PDCD4: variants seen among roughly 807,000 people sequenced by gnomAD.
The protein encoded by PDCD4 is programmed cell death 4.
In PDCD4, 56 loss-of-function variants were observed where a neutral mutation model predicts 54.0. The observed-to-expected ratio is 1.04, with a 90% CI of 0.84 to 1.30. The LOEUF (loss-of-function observed/expected upper bound fraction) is 1.30. Ranked by LOEUF, PDCD4 falls within the 50% of genes most tolerant of loss-of-function variation. PDCD4 has a pLI of 0.00. For synonymous variants in PDCD4, 186 were observed against 194.8 expected (o/e 0.95, Z 0.37); for missense variants, 584 against 559.8 (o/e 1.04, Z -0.44).
At chr10:110,888,851 A>G (rs1007597503) in intron 6 of PDCD4, among the ~76,000 whole-genome samples, 1 of 152,004 alleles carries the variant, frequency 6.6e-6, no homozygotes, top group Non-Finnish European at 1.5e-5. Context: ...ACTTTCAACT[A>G]TTTCTATACA....
chr10:110,896,717 G>A (rs905552725), intron 11 of PDCD4, among the ~76,000 whole-genome samples: 2 of 152,206 alleles, frequency 1.3e-5, no homozygotes, highest in Admixed American at 1.3e-4. Context: ...TAATATAAAT[G>A]TTTAGTAATA....
At chr10:110,875,195 G>A (rs1255695785) in intron 1 of PDCD4, among the ~76,000 whole-genome samples, 1 of 151,960 alleles carries the variant, frequency 6.6e-6, no homozygotes, top group Non-Finnish European at 1.5e-5. Context: ...TTGTCTAAAA[G>A]GTAACTGATT....
chr10:110,884,961 T>G (rs556025014), intron 4 of PDCD4: 1 of 201,806 alleles, frequency 5.0e-6, no homozygotes, highest in East Asian at 1.1e-4. Flanking sequence ...GTCTGGCTAA[T>G]TTTTAAAACT....
chr10:110,894,389 T>G (rs1249281558), intron 9 of PDCD4, 23 bp from the exon 10 acceptor site: 3 of 1,256,154 alleles, frequency 2.4e-6, no homozygotes, highest in Non-Finnish European at 3.5e-6. Flanking sequence ...AACCAAAAAT[T>G]CACTCATTGA....
intron 4 of PDCD4, among the ~76,000 whole-genome samples, chr10:110,883,795 G>A (rs937337033): frequency 7.9e-5 from 12 of 152,132 alleles, no homozygotes; most frequent in Admixed American, 1.3e-4. Context: ...ACAGGAAAAC[G>A]TTAAGAGTAT....
At position 110,893,515 on chromosome 10, in the gene PDCD4, C is replaced by T. The variant is rs146696965; in HGVS notation, c.991-576C>T. ...CTTTTTTGAGATGTTCAAGTTTGAGCGGGAAAATCAAGACTTGTCTCTTTA... is the reference window on the plus strand; with the variant it reads ...CTTTTTTGAGATGTTCAAGTTTGAGTGGGAAAATCAAGACTTGTCTCTTTA... On this transcript the variant is annotated intron_variant, in intron 8 of 11. Transcript: ENST00000280154. Among the ~76,000 whole-genome samples, 796 of 151,718 alleles carry T rather than the reference C, an allele frequency of 5.2e-3. 9 individuals are homozygous for T. Among genetic ancestry groups the T allele is most frequent in the African/African-American group, 0.018 (745 of 41,348 alleles).
At chr10:110,873,236 G>T (rs771807647) in intron 1 of PDCD4, among the ~76,000 whole-genome samples, 2 of 152,292 alleles carry the variant, frequency 1.3e-5, no homozygotes, top group African/African-American at 4.8e-5. Flanking sequence ...TATTAGGACT[G>T]CAAAAATAAA....
intron 1 of PDCD4, among the ~76,000 whole-genome samples, chr10:110,872,522 G>A (rs1394524077): frequency 6.6e-6 from 1 of 151,946 alleles, no homozygotes; most frequent in Non-Finnish European, 1.5e-5. Context: ...CCGGAGCCCC[G>A]GCCTCGGCCC....
chr10:110,896,099 A>G lies in PDCD4; in HGVS notation c.1349+12A>G. The G allele has an allele frequency of 1.3e-6, 2 of 1,570,088 alleles. No homozygotes were observed. Among genetic ancestry groups the G allele is most frequent in the Non-Finnish European group, 1.7e-6 (2 of 1,155,406 alleles). On this transcript the variant is annotated intron_variant, in intron 11 of 11. Transcript: ENST00000280154. ...CTTTGTCCTTCAAGGTACTTTATTT[A>G]AATACTACTTTCTCAATGTAAAATA...
intron 11 of PDCD4, 42 bp from the exon 12 acceptor site, chr10:110,897,986 A>G: frequency 7.0e-7 from 1 of 1,431,798 alleles, no homozygotes; most frequent in Non-Finnish European, 9.6e-7. Context: ...CTATAGTCAG[A>G]ATTTGTATCT....
intron 11 of PDCD4, among the ~76,000 whole-genome samples, chr10:110,896,298 A>C (rs1356162768): frequency 6.6e-6 from 1 of 152,208 alleles, no homozygotes; most frequent in Non-Finnish European, 1.5e-5. Context: ...GAAAGAAACT[A>C]ATCTTGTGGA....
chr10:110,894,720 T>G (rs535611254), intron 10 of PDCD4, among the ~76,000 whole-genome samples, 198 bp downstream of exon 10: 47 of 113,978 alleles, frequency 4.1e-4, no homozygotes, highest in African/African-American at 1.9e-3. Flanking sequence ...CACTGCAGTG[T>G]TTTTTTTTTT....
rs767334928 is a variant in PDCD4, at chr10:110,890,579, T to C, written c.899T>C (p.Val300Ala). 5 of 1,613,064 alleles carry C rather than the reference T, an allele frequency of 3.1e-6. No individual in the cohort carries two copies. The South Asian group carries it at 5.5e-5, about 18-fold the overall frequency. The change falls in exon 8 of 12, where the codon GTG becomes GCG. Residue 300 changes from valine to alanine, a missense_variant. Physicochemically the swap from Val to Ala is moderately conservative, Grantham distance 64 (BLOSUM62 0). Transcript: ENST00000280154. ...AGAGCTGCTCTGGATAAGGCTACCGTGCTTCTGAGTATGTCTAAAGGTGGA... is the reference window on the plus strand; with the variant it reads ...AGAGCTGCTCTGGATAAGGCTACCGCGCTTCTGAGTATGTCTAAAGGTGGA... ...QARAALDKAT[V>A]LLSMSKGGKR...
At chr10:110,889,968 A>G (rs1009995129) in intron 7 of PDCD4, among the ~76,000 whole-genome samples, 1 of 152,198 alleles carries the variant, frequency 6.6e-6, no homozygotes, top group African/African-American at 2.4e-5. Context: ...TTAATATTCT[A>G]ATAAGATGGA....
At chr10:110,876,517 A>G (rs1845508047) in intron 2 of PDCD4, among the ~76,000 whole-genome samples, 1 of 152,192 alleles carries the variant, frequency 6.6e-6, no homozygotes. Flanking sequence ...CACATTCCAC[A>G]TATTCCTATT....
intron 1 of PDCD4, among the ~76,000 whole-genome samples, chr10:110,874,198 T>G (rs769690984): frequency 2.0e-5 from 3 of 152,230 alleles, no homozygotes; most frequent in Non-Finnish European, 2.9e-5. Flanking sequence ...CGAAGGTTTT[T>G]CTGTAAGGTA....
At chr10:110,883,963 G>A (rs1845631150) in intron 4 of PDCD4, among the ~76,000 whole-genome samples, 1 of 152,198 alleles carries the variant, frequency 6.6e-6, no homozygotes, top group South Asian at 2.1e-4. Flanking sequence ...TCAAGTATAT[G>A]TTTTTAGGCT....
At chr10:110,894,257 G>A (rs1160660956) in intron 9 of PDCD4, 59 bp downstream of exon 9, 10 of 1,017,762 alleles carry the variant, frequency 9.8e-6, no homozygotes, top group South Asian at 1.3e-5. Flanking sequence ...GTACTGTAGC[G>A]ACTTATGCTT....
intron 1 of PDCD4, among the ~76,000 whole-genome samples, chr10:110,872,556 G>GACCCGGGCTGGGACTTCGGGGGTCC (rs1246266686): frequency 8.5e-5 from 13 of 152,174 alleles, no homozygotes; most frequent in Non-Finnish European, 1.5e-4. Context: ...TCCGGGGGCC[G>GACCCGGGCTGGGACTTCGGGGGTCC]ACCCGGGCTG....
Sources: gnomAD v4.1 joint callset for allele counts (sites outside exome capture counted in the v4.1 genomes callset) on GRCh38, gnomAD v4.1.1 for gene constraint, MANE v1.5 for transcripts, NCBI Gene and HGNC (gene_info 2026-07-23, HGNC 2026-07-21) for gene names.